Variants in IFI6 observed in about 807,000 individuals in gnomAD.
The protein encoded by IFI6 is interferon alpha-inducible protein 6.
A neutral mutation model predicts 12.7 loss-of-function variants in IFI6; 10 were observed. That is an observed-to-expected ratio of 0.79 (90% CI 0.49 to 1.33). IFI6 has a LOEUF of 1.33. Among genes scored for constraint, IFI6 ranks in the 40% most tolerant of loss-of-function variants. The pLI, the probability that IFI6 is intolerant of heterozygous loss-of-function variation, is 0.00. For missense variants in IFI6, 154 were observed against 180.4 expected, an observed-to-expected ratio of 0.85 and a Z score of 0.84; for synonymous variants, 89 against 86.2, an observed-to-expected ratio of 1.03 and a Z score of -0.18.
At position 27,668,354 on chromosome 1, in the gene IFI6, G is replaced by T. The variant is rs1298433119; in HGVS notation, c.170C>A (p.Pro57His). 8 of 1,568,440 alleles carry T rather than the reference G, an allele frequency of 5.1e-6. No individual in the cohort carries two copies. Among genetic ancestry groups the T allele is most frequent in the Non-Finnish European group, 6.9e-6 (8 of 1,156,744 alleles). The change falls in exon 4 of 5, where the codon CCC becomes CAC. Residue 57 changes from proline to histidine, a missense_variant. Pro to His is a moderately conservative substitution (Grantham distance 77). Transcript: ENST00000361157. ...VGGGLAVAGL[P>H]ALGFTGAGIA... ...GCCGGCGCCGGTGAAGCCCAGCGCG[G>T]GCAGCCCGGCGACTGCGAGTCCTGG...
intron 1 of IFI6, among the ~76,000 whole-genome samples, chr1:27,671,088 A>G (rs993664424): frequency 2.0e-5 from 3 of 152,230 alleles, no homozygotes; most frequent in African/African-American, 7.2e-5. Context: ...TGGAAAATGC[A>G]TATGCCCTCA....
intron 2 of IFI6, 81 bp from the exon 3 acceptor site, chr1:27,668,616 C>A (rs1178443121): frequency 6.9e-6 from 8 of 1,156,682 alleles, no homozygotes; most frequent in Non-Finnish European, 8.7e-6. Flanking sequence ...ATGCTCAGGA[C>A]CACTCCTGGA....
chr1:27,667,648 G>A (rs2090361812), intron 4 of IFI6, among the ~76,000 whole-genome samples: 1 of 152,244 alleles, frequency 6.6e-6, no homozygotes, highest in Non-Finnish European at 1.5e-5. Flanking sequence ...AGGGAACTGA[G>A]GCTTGTGATT....
At chr1:27,671,526 A>T (rs182943144) in intron 1 of IFI6, among the ~76,000 whole-genome samples, 133 of 151,740 alleles carry the variant, frequency 8.8e-4, no homozygotes, top group Non-Finnish European at 1.7e-3. Context: ...CTGAGACTAC[A>T]GGCGCCCACC....
intron 4 of IFI6, among the ~76,000 whole-genome samples, chr1:27,667,680 A>C (rs1355540658): frequency 2.6e-5 from 4 of 152,234 alleles, no homozygotes; most frequent in Non-Finnish European, 5.9e-5. Context: ...TCAGTGAGGC[A>C]CCCAGCCTTT....
At chr1:27,671,681 C>T (rs2788691) in intron 1 of IFI6, among the ~76,000 whole-genome samples, 127,773 of 151,858 alleles carry the variant, frequency 0.84, 56,373 homozygotes, top group Non-Finnish European at 0.97. Flanking sequence ...CCACCACGCC[C>T]GGCCACCAAG....
In IFI6 at chr1:27,668,445, C is replaced by T. The variant is rs1471514427; in HGVS notation, c.148+13G>A. The T allele has an allele frequency of 6.2e-7, 1 of 1,608,162 alleles. No homozygotes were observed. The highest frequency in any genetic ancestry group is 1.1e-5 in the South Asian group (1 of 89,966). ...CGCCCCGCCTGCCCGAGATCCTCGC[C>T]CTCCAGACCCACCTCCTCCGACGGC... On this transcript the variant is annotated intron_variant, in intron 3 of 4. Coordinates refer to ENST00000361157, the MANE Select transcript of IFI6 (RefSeq NM_002038.4).
At chr1:27,669,682 G>T in intron 1 of IFI6, 1 of 280,386 alleles carries the variant, frequency 3.6e-6, no homozygotes, top group South Asian at 3.8e-5. Flanking sequence ...TGCTTCTCTG[G>T]GCTTCAGTTT....
intron 1 of IFI6, chr1:27,669,996 C>G (rs1210326730): frequency 6.6e-6 from 1 of 152,308 alleles, no homozygotes; most frequent in African/African-American, 2.4e-5. Flanking sequence ...GGGGGTTTCT[C>G]CCCACCAGCA....
rs2090349742 is a variant in IFI6, at chr1:27,666,255, A to G, written c.*126T>C. Reference sequence around the variant, plus strand: ...GTTCGCATCTGTGAATAGCCACTGCACTCTAGCCTGGACAATATAGTGAGA... The same window carrying G: ...GTTCGCATCTGTGAATAGCCACTGCGCTCTAGCCTGGACAATATAGTGAGA... On this transcript the variant is annotated 3_prime_UTR_variant, in exon 5 of 5. Coordinates refer to ENST00000361157, the MANE Select transcript of IFI6 (RefSeq NM_002038.4). 13 of 579,610 alleles carry G rather than the reference A, an allele frequency of 2.2e-5. No homozygotes were observed. The South Asian group carries it at 2.9e-4, about 13-fold the overall frequency. 35.9% of individuals were successfully genotyped at this position (579,610 alleles called of 1,614,324 possible). A position where few individuals can be genotyped will look rare whatever the true frequency, so the allele number is the denominator to read the frequency against.
Position 27,666,247 on chromosome 1 carries a change from G to T in IFI6, c.*134C>A. 1.8e-6 allele frequency: 1 copy of T among 544,208 alleles called. No individual in the cohort carries two copies. Among genetic ancestry groups the T allele is most frequent in the Middle Eastern group, 4.7e-4 (1 of 2,106 alleles). The allele number at this position is 544,208 out of a possible 1,614,324, so 33.7% of individuals were successfully genotyped here. ...TGTACTATGTTCGCATCTGTGAATA[G>T]CCACTGCACTCTAGCCTGGACAATA... On this transcript the variant is annotated 3_prime_UTR_variant, in exon 5 of 5. Coordinates refer to ENST00000361157, the MANE Select transcript of IFI6 (RefSeq NM_002038.4).
At chr1:27,670,697 C>T (rs1376645430) in intron 1 of IFI6, among the ~76,000 whole-genome samples, 1 of 152,168 alleles carries the variant, frequency 6.6e-6, no homozygotes, top group Non-Finnish European at 1.5e-5. Context: ...AAGCACCACC[C>T]ACTGGAGACC....
Position 27,668,361 on chromosome 1 carries a change from C to T in IFI6, c.163G>A (p.Gly55Arg), listed in dbSNP as rs772371836. ...MAVGGGLAVA[G>R]LPALGFTGAG... ...CCGGTGAAGCCCAGCGCGGGCAGCC[C>T]GGCGACTGCGAGTCCTGGAGGAACA... The change falls in exon 4 of 5, where the codon GGG becomes AGG. Residue 55 changes from glycine to arginine, a missense_variant. Coordinates refer to ENST00000361157, the MANE Select transcript of IFI6 (RefSeq NM_002038.4). 3 of 1,566,610 alleles carry T rather than the reference C, an allele frequency of 1.9e-6. No individual in the cohort carries two copies. The highest frequency in any genetic ancestry group is 2.4e-5 in the East Asian group (1 of 41,778).
intron 1 of IFI6, among the ~76,000 whole-genome samples, chr1:27,671,379 A>ATTT (rs57090710): frequency 3.0e-5 from 4 of 131,364 alleles, no homozygotes; most frequent in Non-Finnish European, 3.3e-5. Flanking sequence ...CCAAGCCCAC[A>ATTT]TTTTTTTTTT....
In IFI6 at chr1:27,666,289, CAAA is replaced by C. The variant is rs10649401; in HGVS notation, c.*89_*91del. 828 of 254,606 alleles carry C rather than the reference CAAA, an allele frequency of 3.3e-3. No homozygotes were observed. The highest frequency in any genetic ancestry group is 5.8e-3 in the East Asian group (64 of 10,976). The allele number at this position is 254,606 out of a possible 1,614,324, so 15.8% of individuals were successfully genotyped here. ...TGGACAATATAGTGAGAACCCATCT[CAAA>C]AAAAAAAAAAAAAAAAAAAAGGCAA... On this transcript the variant is annotated 3_prime_UTR_variant, in exon 5 of 5. Coordinates refer to ENST00000361157, the MANE Select transcript of IFI6 (RefSeq NM_002038.4).
At chr1:27,670,261 G>C (rs891626401) in intron 1 of IFI6, 7 of 147,074 alleles carry the variant, frequency 4.8e-5, no homozygotes, top group African/African-American at 1.9e-4. Context: ...TACATATACT[G>C]GTTTCTTTCT....
intron 1 of IFI6, 81 bp from the exon 2 acceptor site, chr1:27,669,427 C>T (rs2090387556): frequency 2.4e-6 from 2 of 837,324 alleles, no homozygotes; most frequent in South Asian, 1.5e-5. Context: ...CCAGTTCCAA[C>T]TGAATCAGTA....
intron 1 of IFI6, chr1:27,670,570 A>C (rs999011715): frequency 1.3e-5 from 2 of 152,144 alleles, no homozygotes; most frequent in African/African-American, 2.4e-5. Flanking sequence ...TACAGGCATC[A>C]GCCACCATAC....
Position 27,668,443 on chromosome 1 carries a change from G to C in IFI6, c.148+15C>G. 2 of 1,606,746 alleles carry C rather than the reference G, an allele frequency of 1.2e-6. No individual in the cohort carries two copies. Among genetic ancestry groups the C allele is most frequent in the Middle Eastern group, 1.7e-4 (1 of 6,038 alleles). On this transcript the variant is annotated intron_variant, in intron 3 of 4. Coordinates refer to ENST00000361157, the MANE Select transcript of IFI6 (RefSeq NM_002038.4). ...CCCGCCCCGCCTGCCCGAGATCCTC[G>C]CCCTCCAGACCCACCTCCTCCGACG...
Sources: allele counts gnomAD v4.1 joint callset (sites outside exome capture counted in the v4.1 genomes callset), GRCh38; gene constraint gnomAD v4.1.1; transcripts MANE v1.5; gene names NCBI Gene and HGNC (gene_info 2026-07-23, HGNC 2026-07-21).